UBR3: variants seen among roughly 807,000 people sequenced by gnomAD.
UBR3 encodes ubiquitin protein ligase E3 component n-recognin 3, also known as E3 ubiquitin-protein ligase UBR3.
In UBR3, 85 loss-of-function variants were observed where a neutral mutation model predicts 243.2. That is an observed-to-expected ratio of 0.35 (90% CI 0.29 to 0.42). The LOEUF (loss-of-function observed/expected upper bound fraction) is 0.42. UBR3 is among the 10% of genes least tolerant of loss of function. The pLI, the probability that UBR3 is intolerant of heterozygous loss-of-function variation, is 1.00. For synonymous variants in UBR3, 748 were observed against 799.8 expected, an observed-to-expected ratio of 0.94 and a Z score of 1.09; for missense variants, 1,686 against 2,300.8, an observed-to-expected ratio of 0.73 and a Z score of 5.47.
intron 37 of UBR3, chr2:170,080,332 GT>G (rs2091886272): frequency 1.6e-6 from 1 of 606,318 alleles, no homozygotes; most frequent in Admixed American, 3.3e-5. Context: ...TCTGAATTAG[GT>G]TGGCTCTTAA....
At chr2:169,896,812 T>C in intron 8 of UBR3, 77 bp downstream of exon 8, 1 of 962,272 alleles carries the variant, frequency 1.0e-6, no homozygotes, top group Non-Finnish European at 1.5e-6. Context: ...CTTCATATAC[T>C]TAGTAATATT....
chr2:170,038,501 A>G (rs1451975385), intron 31 of UBR3, among the ~76,000 whole-genome samples: 1 of 152,192 alleles, frequency 6.6e-6, no homozygotes. Flanking sequence ...TCTTCCAGGC[A>G]CTAAAGATAT....
At chr2:170,055,641 G>T (rs2091316306) in intron 33 of UBR3, 57 bp downstream of exon 33, 2 of 1,594,892 alleles carry the variant, frequency 1.3e-6, no homozygotes, top group Non-Finnish European at 1.7e-6. Flanking sequence ...TTAAGCTGGG[G>T]ATATTGAGTG....
intron 19 of UBR3, among the ~76,000 whole-genome samples, chr2:169,939,009 G>GA (rs2086459866): frequency 1.3e-5 from 2 of 151,276 alleles, no homozygotes; most frequent in East Asian, 3.9e-4. Context: ...GTTATTTCTT[G>GA]AAAAAAATTA....
At chr2:169,984,127 A>AT (rs981883097) in intron 24 of UBR3, among the ~76,000 whole-genome samples, 16 of 149,464 alleles carry the variant, frequency 1.1e-4, no homozygotes, top group Admixed American at 2.0e-4. Context: ...CATCATTTAG[A>AT]TTTTTTTTTT....
intron 26 of UBR3, among the ~76,000 whole-genome samples, chr2:169,997,236 G>T (rs2089523128): frequency 2.0e-5 from 3 of 152,078 alleles, no homozygotes; most frequent in African/African-American, 7.2e-5. Context: ...GGCTTCACTC[G>T]GGCCCACTGG....
chr2:170,068,383 A>G (rs1189067084), intron 35 of UBR3, among the ~76,000 whole-genome samples: 1 of 152,032 alleles, frequency 6.6e-6, no homozygotes, highest in East Asian at 1.9e-4. Flanking sequence ...CAGGAGAATC[A>G]CTTGAACTTT....
chr2:170,033,093 C>T (rs1300988405), intron 31 of UBR3, among the ~76,000 whole-genome samples: 2 of 152,028 alleles, frequency 1.3e-5, no homozygotes, highest in Admixed American at 1.3e-4. Context: ...AGTATTCGAA[C>T]ACACAGCTCT....
Position 169,961,619 on chromosome 2 carries a change from A to G in UBR3, c.3634+3093A>G, listed in dbSNP as rs115183702. ...AGGTTGATAAACATTTTCTGTCACA[A>G]CTTTACAACTGAAGGCATTGCCCTT... On this transcript the variant is annotated intron_variant, in intron 24 of 38. Coordinates refer to ENST00000272793, the MANE Select transcript of UBR3 (RefSeq NM_172070.4). 7.8e-3 allele frequency among the ~76,000 whole-genome samples: 1,187 copies of G among 152,276 alleles called. 13 individuals are homozygous for G. Among genetic ancestry groups the G allele is most frequent in the African/African-American group, 0.026 (1,073 of 41,566 alleles).
Position 169,876,206 on chromosome 2 carries a change from G to A in UBR3, c.844+257G>A, listed in dbSNP as rs1574098076. 4.0e-5 allele frequency among the ~76,000 whole-genome samples: 6 copies of A among 150,540 alleles called. 1 individual carries two copies. Among genetic ancestry groups the A allele is most frequent in the African/African-American group, 1.5e-4 (6 of 41,074 alleles). On this transcript the variant is annotated intron_variant, in intron 3 of 38. Transcript: ENST00000272793. Reference sequence around the variant, plus strand: ...TCACGCCATTCTGCCTCAGCCTCCCGAGTAGCTGGGACTACAGGCGCCCGC... The same window carrying A: ...TCACGCCATTCTGCCTCAGCCTCCCAAGTAGCTGGGACTACAGGCGCCCGC...
chr2:170,066,993 T>TAATAATAATAATAATAATAATAAAA (rs71006067), intron 35 of UBR3, among the ~76,000 whole-genome samples: 1 of 144,228 alleles, frequency 6.9e-6, no homozygotes, highest in Non-Finnish European at 1.5e-5. Context: ...ATAATAATAA[T>TAATAATAATAATAATAATAATAAAA]AAACTTCATT....
At chr2:170,077,094 A>G (rs1574488002) in intron 36 of UBR3, 1 of 390,890 alleles carries the variant, frequency 2.6e-6, no homozygotes. Context: ...TTTCCATTTT[A>G]ATGTTTACAA....
At chr2:170,057,744 G>C (rs1430119491) in intron 33 of UBR3, among the ~76,000 whole-genome samples, 4 of 152,002 alleles carry the variant, frequency 2.6e-5, no homozygotes, top group Non-Finnish European at 5.9e-5. Flanking sequence ...ATATGAGACA[G>C]ATTCTTATCA....
At chr2:169,955,456 C>A (rs2087235180) in intron 23 of UBR3, among the ~76,000 whole-genome samples, 1 of 151,790 alleles carries the variant, frequency 6.6e-6, no homozygotes, top group Non-Finnish European at 1.5e-5. Context: ...TTGATCTATT[C>A]CCATCATTCT....
At chr2:170,004,187 G>T (rs952952833) in intron 27 of UBR3, among the ~76,000 whole-genome samples, 2 of 152,192 alleles carry the variant, frequency 1.3e-5, no homozygotes, top group African/African-American at 4.8e-5. Context: ...TGTGGTGGGG[G>T]CTTGGACTTA....
intron 24 of UBR3, among the ~76,000 whole-genome samples, chr2:169,959,641 A>G (rs1449518785): frequency 6.6e-6 from 1 of 152,144 alleles, no homozygotes; most frequent in African/African-American, 2.4e-5. Context: ...ATGTAATTAC[A>G]AAGATGACAT....
intron 1 of UBR3, among the ~76,000 whole-genome samples, chr2:169,868,416 T>C (rs1443011177): frequency 2.6e-5 from 4 of 152,236 alleles, no homozygotes; most frequent in Non-Finnish European, 5.9e-5. Context: ...CGATCTCAGC[T>C]CACTGCAGTC....
At chr2:169,964,375 C>G (rs551303645) in intron 24 of UBR3, 15 of 462,842 alleles carry the variant, frequency 3.2e-5, no homozygotes, top group South Asian at 1.8e-4. Context: ...TTTTTATTTG[C>G]TACTTTCCAC....
chr2:169,964,742 T>C, intron 24 of UBR3: 1 of 393,048 alleles, frequency 2.5e-6, no homozygotes, highest in South Asian at 1.9e-5. Flanking sequence ...AGCTCAGTTA[T>C]AGTCAAGATC....
Sources: gnomAD v4.1 joint callset for allele counts (sites outside exome capture counted in the v4.1 genomes callset) on GRCh38, gnomAD v4.1.1 for gene constraint, MANE v1.5 for transcripts, NCBI Gene and HGNC (gene_info 2026-07-23, HGNC 2026-07-21) for gene names.